The following STRN variants were observed in gnomAD, a reference collection of about 807,000 sequenced individuals.
STRN encodes protein phosphatase 2 regulatory subunit B'''alpha.
In STRN, 53 loss-of-function variants were observed where a neutral mutation model predicts 96.3. The ratio of observed to expected loss-of-function variants is 0.55; its 90% CI spans 0.44 to 0.69. The LOEUF is 0.69. Among genes scored for constraint, STRN ranks in the 30% least tolerant of loss-of-function variants. The pLI, the probability that STRN is intolerant of heterozygous loss-of-function variation, is 0.00. For synonymous variants in STRN, 428 were observed against 355.9 expected (o/e 1.20, Z -2.28); for missense variants, 987 against 963.9 (o/e 1.02, Z -0.32).
At chr2:36,857,221 C>G (rs1037296144) in intron 14 of STRN, among the ~76,000 whole-genome samples, 3 of 151,790 alleles carry the variant, frequency 2.0e-5, no homozygotes, top group African/African-American at 7.3e-5. Context: ...GCCACCACAC[C>G]TGGATTCTAT....
At chr2:36,849,965 T>C (rs549489593) in intron 16 of STRN, among the ~76,000 whole-genome samples, 165 bp from the exon 17 acceptor site, 1 of 152,340 alleles carries the variant, frequency 6.6e-6, no homozygotes, top group African/African-American at 2.4e-5. Flanking sequence ...TTGCCTCTAG[T>C]CATGGCAATG....
chr2:36,923,246 C>G (rs1446486322), intron 2 of STRN, among the ~76,000 whole-genome samples: 1 of 151,628 alleles, frequency 6.6e-6, no homozygotes, highest in Non-Finnish European at 1.5e-5. Context: ...GTCAGTAGTT[C>G]GAGACCAGTC....
intron 1 of STRN, among the ~76,000 whole-genome samples, chr2:36,933,163 A>G (rs1194111106): frequency 2.0e-5 from 3 of 152,182 alleles, no homozygotes; most frequent in Non-Finnish European, 4.4e-5. Flanking sequence ...AAAACATTCA[A>G]TAAACAATAA....
chr2:36,861,327 G>T, intron 12 of STRN, 74 bp from the exon 13 acceptor site: 1 of 1,546,638 alleles, frequency 6.5e-7, no homozygotes, highest in South Asian at 1.2e-5. Flanking sequence ...TTAAAAATAA[G>T]AATGTTTAAT....
intron 3 of STRN, among the ~76,000 whole-genome samples, chr2:36,915,232 A>AATATATATATATATAT (rs72466696): frequency 9.8e-4 from 85 of 86,466 alleles, no homozygotes; most frequent in Non-Finnish European, 1.2e-3. Flanking sequence ...TGAATACATA[A>AATATATATATATATAT]ATATATATAT....
intron 4 of STRN, 167 bp from the exon 5 acceptor site, chr2:36,902,918 C>T (rs1558645670): frequency 4.4e-6 from 2 of 451,820 alleles, no homozygotes; most frequent in Non-Finnish European, 3.7e-6. Flanking sequence ...GCAGATGGAG[C>T]TGTCTCTTGC....
At chr2:36,899,473 T>C (rs1472400598) in intron 6 of STRN, 50 bp downstream of exon 6, 3 of 1,531,132 alleles carry the variant, frequency 2.0e-6, no homozygotes, top group African/African-American at 1.4e-5. Context: ...TTATACAGTA[T>C]GTATTATAGT....
At chr2:36,965,009 A>G (rs949847106) in intron 1 of STRN, among the ~76,000 whole-genome samples, 1 of 152,004 alleles carries the variant, frequency 6.6e-6, no homozygotes, top group South Asian at 2.1e-4. Flanking sequence ...CCTTACTATA[A>G]CCTTGTCTAC....
chr2:36,961,115 CTTTTTTTTTTTTTTT>C (rs551915869), intron 1 of STRN, among the ~76,000 whole-genome samples: 7 of 60,322 alleles, frequency 1.2e-4, no homozygotes, highest in Non-Finnish European at 1.2e-4. Flanking sequence ...CCAGGCTGCA[CTTTTTTTTTTTTTTT>C]TTTTTTTTTT....
intron 13 of STRN, 134 bp downstream of exon 13, chr2:36,860,998 T>C: frequency 9.1e-7 from 1 of 1,098,836 alleles, no homozygotes; most frequent in South Asian, 1.9e-5. Context: ...GAAGTCCTTT[T>C]TAACAAAATA....
At chr2:36,850,848 T>C (rs538001072) in intron 16 of STRN, 152 bp downstream of exon 16, 16 of 559,950 alleles carry the variant, frequency 2.9e-5, no homozygotes, top group East Asian at 2.2e-4. Context: ...CAGATTTGGA[T>C]AGAGTGAAGA....
chr2:36,860,409 A>C (rs62132534), intron 13 of STRN, among the ~76,000 whole-genome samples: 2,036 of 152,270 alleles, frequency 0.013, 17 homozygotes, highest in Non-Finnish European at 0.019. Context: ...TCGTTAAATA[A>C]ATGCTGGGAA....
chr2:36,953,259 C>T (rs1399700392), intron 1 of STRN, among the ~76,000 whole-genome samples: 2 of 152,160 alleles, frequency 1.3e-5, no homozygotes, highest in African/African-American at 2.4e-5. Context: ...TTATTTTTCT[C>T]TCCATCTCAT....
chr2:36,950,012 C>A (rs943763644), intron 1 of STRN, among the ~76,000 whole-genome samples: 1 of 151,260 alleles, frequency 6.6e-6, no homozygotes. Context: ...AATGAGTAAC[C>A]AAAAGCAGAA....
chr2:36,964,568 T>C (rs755224718), intron 1 of STRN, among the ~76,000 whole-genome samples: 4 of 152,226 alleles, frequency 2.6e-5, no homozygotes, highest in East Asian at 3.9e-4. Context: ...AATATAACAA[T>C]AGGAATGAAA....
chr2:36,840,143 G>C lies in STRN; in HGVS notation c.*9313C>G, dbSNP rs1667917035. On this transcript the variant is annotated 3_prime_UTR_variant, in exon 18 of 18. Transcript: ENST00000263918. ...TCTTTCTCCTGGACAACAGCAGTCA[G>C]TAGGGCCATCTGTAGGTTGCAAGGA... The C allele has an allele frequency of 6.6e-6, 1 of 152,278 alleles. No individual in the cohort carries two copies. Among genetic ancestry groups the C allele is most frequent in the African/African-American group, 2.4e-5 (1 of 41,458 alleles). The allele number at this position is 152,278 out of a possible 1,614,324, so 9.4% of individuals were successfully genotyped here. A position where few individuals can be genotyped will look rare whatever the true frequency, so the allele number is the denominator to read the frequency against.
chr2:36,938,243 T>C (rs1258062874), intron 1 of STRN, among the ~76,000 whole-genome samples: 9 of 151,936 alleles, frequency 5.9e-5, no homozygotes, highest in Admixed American at 5.9e-4. Context: ...CTGGCTGACA[T>C]GGCAAAACAC....
At chr2:36,867,198 C>G (rs1668650170) in intron 12 of STRN, among the ~76,000 whole-genome samples, 1 of 151,876 alleles carries the variant, frequency 6.6e-6, no homozygotes, top group Admixed American at 6.6e-5. Flanking sequence ...AAATATGAAA[C>G]CCTTCGGCCA....
intron 7 of STRN, 38 bp from the exon 8 acceptor site, chr2:36,886,864 T>A: frequency 6.5e-7 from 1 of 1,539,020 alleles, no homozygotes; most frequent in Non-Finnish European, 8.9e-7. Flanking sequence ...CCTTTTTCAA[T>A]AAAATATTGA....
Sources: allele counts gnomAD v4.1 joint callset (sites outside exome capture counted in the v4.1 genomes callset), GRCh38; gene constraint gnomAD v4.1.1; transcripts MANE v1.5; gene names NCBI Gene and HGNC (gene_info 2026-07-23, HGNC 2026-07-21).